IQCM: variants seen among roughly 807,000 people sequenced by gnomAD.
The protein encoded by IQCM is IQ motif containing M.
A neutral mutation model predicts 57.6 loss-of-function variants in IQCM; 45 were observed. The observed-to-expected ratio is 0.78, with a 90% CI of 0.62 to 1.00. The LOEUF is 1.00. IQCM is among the 50% of genes least tolerant of loss of function. IQCM has a pLI of 0.00. For synonymous variants in IQCM, 148 were observed against 158.9 expected (o/e 0.93, Z 0.51); for missense variants, 468 against 511.6 (o/e 0.91, Z 0.82).
chr4:149,398,545 A>G (rs1032527517), intron 13 of IQCM, among the ~76,000 whole-genome samples: 1 of 151,920 alleles, frequency 6.6e-6, no homozygotes, highest in Non-Finnish European at 1.5e-5. Context: ...TTCATCAATG[A>G]TCTATAGTTT....
intron 5 of IQCM, among the ~76,000 whole-genome samples, chr4:149,726,140 A>AGAGAG (rs1554030487): frequency 1.5e-5 from 2 of 130,736 alleles, no homozygotes; most frequent in Non-Finnish European, 3.3e-5. Context: ...AGAAAGAAAG[A>AGAGAG]AAAGAAAGAA....
At position 149,686,371 on chromosome 4, in the gene IQCM, A is replaced by G. The variant is rs188493673; in HGVS notation, c.476+7T>C. 178 of 1,159,278 alleles carry G rather than the reference A, an allele frequency of 1.5e-4. 4 individuals carry two copies. The Admixed American group carries it at 7.5e-3, about 49-fold the overall frequency. The allele number at this position is 1,159,278 out of a possible 1,614,324, so 71.8% of individuals were successfully genotyped here. A position where few individuals can be genotyped will look rare whatever the true frequency, so the allele number is the denominator to read the frequency against. ...TATTTTCTATAGGTTAGCTAATTAT[A>G]CATTACCTGGACTCCTCAAAGTGCT... On this transcript the variant is annotated splice_region_variant and intron_variant, in intron 6 of 13. Transcript: ENST00000636793.
At chr4:149,388,408 T>C (rs569435394) in intron 13 of IQCM, among the ~76,000 whole-genome samples, 1 of 150,326 alleles carries the variant, frequency 6.7e-6, no homozygotes, top group African/African-American at 2.4e-5. Context: ...GAAGTAGACT[T>C]TCACTATGCT....
chr4:149,592,485 G>T (rs1321400136), intron 8 of IQCM, among the ~76,000 whole-genome samples: 3 of 151,762 alleles, frequency 2.0e-5, no homozygotes, highest in African/African-American at 4.8e-5. Flanking sequence ...GTCAATTTTG[G>T]CTTTTGTTGC....
rs1762554643 is a variant in IQCM at position 149,686,481 on chromosome 4, T to C, written c.386-13A>G. On this transcript the variant is annotated splice_polypyrimidine_tract_variant and intron_variant, in intron 5 of 13. Coordinates refer to ENST00000636793, the MANE Select transcript of IQCM (RefSeq NM_001363507.2). The stretch of plus-strand genomic sequence containing the variant: ...AATTTAACTTGTCCTGAAATTTTGT[T>C]AAAGTTTTAATTGCATACTATTAGT... 1 of 1,158,128 alleles carries C rather than the reference T, an allele frequency of 8.6e-7. No homozygotes were observed. The highest frequency in any genetic ancestry group is 1.1e-6 in the Non-Finnish European group (1 of 921,126). 71.7% of individuals were successfully genotyped at this position (1,158,128 alleles called of 1,614,324 possible).
chr4:149,385,446 T>C (rs900200239), intron 13 of IQCM, among the ~76,000 whole-genome samples: 2 of 152,038 alleles, frequency 1.3e-5, no homozygotes, highest in African/African-American at 2.4e-5. Context: ...CTTGAGCTCA[T>C]GAAAAGTGGC....
Position 149,694,913 on chromosome 4 carries a change from C to A in IQCM, c.386-8445G>T, listed in dbSNP as rs191877496. ...CTGAATAATCATAAAATGGTTTTCT[C>A]ACCTTTCTCTCTTTTTAAGACCCAC... On this transcript the variant is annotated intron_variant, in intron 5 of 13. Transcript: ENST00000636793. Among the ~76,000 whole-genome samples, 83 of 152,288 alleles carry A rather than the reference C, an allele frequency of 5.5e-4. 3 individuals carry two copies. Among genetic ancestry groups the A allele is most frequent in the African/African-American group, 1.9e-3 (79 of 41,552 alleles).
chr4:149,371,172 A>G (rs1337727876), intron 13 of IQCM, among the ~76,000 whole-genome samples: 1 of 152,140 alleles, frequency 6.6e-6, no homozygotes, highest in Non-Finnish European at 1.5e-5. Context: ...TTATAGGGTA[A>G]ATATGCTCAA....
chr4:149,731,299 C>G (rs948346293), intron 5 of IQCM, among the ~76,000 whole-genome samples: 1 of 152,140 alleles, frequency 6.6e-6, no homozygotes, highest in Admixed American at 6.5e-5. Flanking sequence ...TCCCTTCCAT[C>G]CCTTCCACCA....
intron 9 of IQCM, among the ~76,000 whole-genome samples, chr4:149,585,515 CAT>C (rs931998722): frequency 6.6e-6 from 1 of 151,516 alleles, no homozygotes; most frequent in African/African-American, 2.4e-5. Context: ...CACATATATA[CAT>C]ATATATAGTT....
At chr4:149,670,046 G>T (rs1263955473) in intron 7 of IQCM, among the ~76,000 whole-genome samples, 11 of 152,138 alleles carry the variant, frequency 7.2e-5, no homozygotes, top group East Asian at 1.9e-4. Flanking sequence ...GGATGGCATT[G>T]AATCTATAAA....
At chr4:149,654,432 C>G (rs1456695934) in intron 7 of IQCM, among the ~76,000 whole-genome samples, 1 of 152,058 alleles carries the variant, frequency 6.6e-6, no homozygotes, top group Non-Finnish European at 1.5e-5. Context: ...CCCTCATCTC[C>G]TCATGCCCCC....
At chr4:149,737,184 A>C (rs1430055622) in intron 3 of IQCM, among the ~76,000 whole-genome samples, 1 of 152,194 alleles carries the variant, frequency 6.6e-6, no homozygotes, top group Non-Finnish European at 1.5e-5. Flanking sequence ...GGAAGGTATG[A>C]TGGATTAACT....
intron 13 of IQCM, among the ~76,000 whole-genome samples, chr4:149,356,940 C>T (rs1480809861): frequency 1.3e-5 from 2 of 152,108 alleles, no homozygotes; most frequent in African/African-American, 4.8e-5. Flanking sequence ...GTTTATAGTT[C>T]TCCTTGAAGA....
At chr4:149,448,182 A>G (rs1359299580) in intron 12 of IQCM, among the ~76,000 whole-genome samples, 1 of 151,702 alleles carries the variant, frequency 6.6e-6, no homozygotes, top group African/African-American at 2.4e-5. Context: ...ATGCTCTATG[A>G]CTAAATTGGA....
chr4:149,385,696 T>A (rs1352112855), intron 13 of IQCM, among the ~76,000 whole-genome samples: 1 of 152,110 alleles, frequency 6.6e-6, no homozygotes, highest in Non-Finnish European at 1.5e-5. Flanking sequence ...AAGTCAGAAA[T>A]CTAATCTTGA....
chr4:149,569,383 A>G (rs549112684), intron 9 of IQCM, among the ~76,000 whole-genome samples: 4 of 152,214 alleles, frequency 2.6e-5, no homozygotes, highest in South Asian at 2.1e-4. Context: ...AGGTTTGTCA[A>G]TGTCCTTGTT....
intron 2 of IQCM, among the ~76,000 whole-genome samples, chr4:149,809,137 A>C (rs1774331899): frequency 6.6e-6 from 1 of 151,976 alleles, no homozygotes; most frequent in African/African-American, 2.4e-5. Context: ...GTTCAATTTT[A>C]TGAAAAACCC....
intron 7 of IQCM, among the ~76,000 whole-genome samples, chr4:149,626,427 A>T: frequency 7.1e-6 from 1 of 141,312 alleles, no homozygotes; most frequent in Admixed American, 7.2e-5. Flanking sequence ...AATAAGACAT[A>T]CTATTTTGCT....
Sources: gnomAD v4.1 joint callset for allele counts (sites outside exome capture counted in the v4.1 genomes callset) on GRCh38, gnomAD v4.1.1 for gene constraint, MANE v1.5 for transcripts, NCBI Gene and HGNC (gene_info 2026-07-23, HGNC 2026-07-21) for gene names.